The following NRXN3 variants were observed in gnomAD, a reference collection of about 807,000 sequenced individuals.
NRXN3 encodes neurexin III.
Under a neutral mutation model 137.6 loss-of-function variants are expected in NRXN3, and 32 were observed. That is an observed-to-expected ratio of 0.23 (90% CI 0.18 to 0.31). The LOEUF is 0.31. Among genes scored for constraint, NRXN3 ranks in the 10% least tolerant of loss-of-function variants. The pLI, the probability that NRXN3 is intolerant of heterozygous loss-of-function variation, is 1.00. For synonymous variants in NRXN3, 798 were observed against 784.5 expected (o/e 1.02, Z -0.29); for missense variants, 1,574 against 2,062.5 (o/e 0.76, Z 4.59).
chr14:79,748,676 C>A (rs567450242), intron 19 of NRXN3, among the ~76,000 whole-genome samples: 1 of 152,006 alleles, frequency 6.6e-6, no homozygotes, highest in African/African-American at 2.4e-5. Flanking sequence ...AGGCCAGTGG[C>A]GGGTTTACTC....
intron 20 of NRXN3, among the ~76,000 whole-genome samples, chr14:79,838,987 C>G (rs1191414089): frequency 6.6e-6 from 1 of 152,124 alleles, no homozygotes; most frequent in African/African-American, 2.4e-5. Flanking sequence ...TGGGCAACAC[C>G]TTGTTCTATA....
chr14:79,618,358 T>C (rs1044585242), intron 16 of NRXN3, among the ~76,000 whole-genome samples: 2 of 152,068 alleles, frequency 1.3e-5, no homozygotes, highest in Admixed American at 1.3e-4. Flanking sequence ...CCCCCTCTAG[T>C]AATCCCCAGT....
At chr14:78,714,143 G>A (rs980187930) in intron 7 of NRXN3, among the ~76,000 whole-genome samples, 1 of 152,204 alleles carries the variant, frequency 6.6e-6, no homozygotes, top group Non-Finnish European at 1.5e-5. Flanking sequence ...TTCACTGGCA[G>A]GGCTGGTAGT....
intron 4 of NRXN3, chr14:78,614,860 T>C (rs748076053): frequency 2.3e-6 from 1 of 442,554 alleles, no homozygotes; most frequent in Non-Finnish European, 4.6e-6. Flanking sequence ...TTTAGGGCAC[T>C]ATAGTGGTAA....
intron 20 of NRXN3, among the ~76,000 whole-genome samples, chr14:79,847,456 C>G (rs1280718290): frequency 1.3e-5 from 2 of 152,154 alleles, no homozygotes; most frequent in Non-Finnish European, 2.9e-5. Context: ...TGAGCTCCTG[C>G]CCTCTACCAA....
intron 6 of NRXN3, among the ~76,000 whole-genome samples, chr14:78,689,787 T>C (rs1436037079): frequency 6.6e-6 from 1 of 152,068 alleles, no homozygotes; most frequent in African/African-American, 2.4e-5. Flanking sequence ...TTTGGCTTAG[T>C]TCTGGTGGTC....
chr14:79,698,018 T>C (rs952449352), intron 19 of NRXN3, 81 bp downstream of exon 19: 2 of 1,292,948 alleles, frequency 1.5e-6, no homozygotes, highest in African/African-American at 3.0e-5. Context: ...TTTATGTAGC[T>C]AAAGAGTTTG....
chr14:78,172,722 A>G (rs911573230), intron 1 of NRXN3, among the ~76,000 whole-genome samples: 1 of 152,094 alleles, frequency 6.6e-6, no homozygotes, highest in African/African-American at 2.4e-5. Flanking sequence ...TATTTTTTAA[A>G]AACAACCGGA....
At chr14:79,402,950 C>T (rs1009230026) in intron 15 of NRXN3, among the ~76,000 whole-genome samples, 2 of 151,984 alleles carry the variant, frequency 1.3e-5, no homozygotes, top group African/African-American at 4.8e-5. Context: ...GTAATTATAC[C>T]TGCAAAGGAA....
At chr14:79,362,499 C>A (rs2093720742) in intron 15 of NRXN3, among the ~76,000 whole-genome samples, 1 of 151,922 alleles carries the variant, frequency 6.6e-6, no homozygotes, top group Non-Finnish European at 1.5e-5. Flanking sequence ...ATATATTAAC[C>A]TAAATGTTAA....
chr14:78,590,112 ATGAAG>A (rs2097103512), intron 4 of NRXN3, among the ~76,000 whole-genome samples: 1 of 152,214 alleles, frequency 6.6e-6, no homozygotes, highest in South Asian at 2.1e-4. Flanking sequence ...GACTCAGGCT[ATGAAG>A]GGTCCTCTGC....
In NRXN3 at chr14:79,645,990, T is replaced by C. The variant is rs1384521783; in HGVS notation, c.3445-17788T>C. Among the ~76,000 whole-genome samples, 5 of 136,024 alleles carry C rather than the reference T, an allele frequency of 3.7e-5. 1 individual carries two copies. Among genetic ancestry groups the C allele is most frequent in the African/African-American group, 7.3e-5 (3 of 40,818 alleles). 89.2% of individuals were successfully genotyped at this position (136,024 alleles called of 152,430 possible). Reference sequence around the variant, plus strand: ...GCCACTTTACTGGAGGCTTGTGATATGTATGACAGGCAGTAAAACCCAAGT... The same window carrying C: ...GCCACTTTACTGGAGGCTTGTGATACGTATGACAGGCAGTAAAACCCAAGT... On this transcript the variant is annotated intron_variant, in intron 16 of 20. Transcript: ENST00000335750.
At chr14:79,143,287 T>C (rs1406466837) in intron 15 of NRXN3, among the ~76,000 whole-genome samples, 1 of 152,256 alleles carries the variant, frequency 6.6e-6, no homozygotes, top group Non-Finnish European at 1.5e-5. Context: ...TTCCTATCTC[T>C]GTTTCAATTC....
intron 15 of NRXN3, among the ~76,000 whole-genome samples, chr14:79,353,627 A>G (rs2153397615): frequency 6.6e-6 from 1 of 152,272 alleles, no homozygotes; most frequent in East Asian, 1.9e-4. Flanking sequence ...TATTGCTGTT[A>G]CTAATAAGTA....
At chr14:78,913,369 T>C (rs1454948569) in intron 10 of NRXN3, among the ~76,000 whole-genome samples, 2 of 132,270 alleles carry the variant, frequency 1.5e-5, no homozygotes, top group Non-Finnish European at 3.1e-5. Flanking sequence ...AACCTCCACC[T>C]CCCGGGTTTA....
At chr14:79,704,042 G>C (rs940003510) in intron 19 of NRXN3, among the ~76,000 whole-genome samples, 1 of 152,080 alleles carries the variant, frequency 6.6e-6, no homozygotes, top group African/African-American at 2.4e-5. Context: ...AAGGGCCCCA[G>C]ATTGAATCAG....
At chr14:79,443,210 GA>G (rs1420213807) in intron 15 of NRXN3, among the ~76,000 whole-genome samples, 2 of 152,196 alleles carry the variant, frequency 1.3e-5, no homozygotes, top group Non-Finnish European at 2.9e-5. Flanking sequence ...CACAGTTGAG[GA>G]AATTATGAAA....
chr14:79,535,908 G>A (rs996909121), intron 16 of NRXN3, among the ~76,000 whole-genome samples: 1 of 152,168 alleles, frequency 6.6e-6, no homozygotes, highest in African/African-American at 2.4e-5. Context: ...TCCAGGATAG[G>A]CATTCTGTAT....
intron 10 of NRXN3, among the ~76,000 whole-genome samples, chr14:78,915,433 CAAAG>C (rs2099252793): frequency 7.2e-6 from 1 of 138,354 alleles, no homozygotes; most frequent in Non-Finnish European, 1.5e-5. Flanking sequence ...TTAGAGAAGT[CAAAG>C]AAATAGTATT....
Sources: gnomAD v4.1 joint callset for allele counts (sites outside exome capture counted in the v4.1 genomes callset) on GRCh38, gnomAD v4.1.1 for gene constraint, MANE v1.5 for transcripts, NCBI Gene and HGNC (gene_info 2026-07-23, HGNC 2026-07-21) for gene names.